Variants in TRMT9B observed in about 807,000 individuals in gnomAD.
TRMT9B encodes the protein probable tRNA methyltransferase 9B.
TRMT9B carries 16 observed loss-of-function variants against 11.5 expected under a neutral mutation model. The ratio of observed to expected loss-of-function variants is 1.39; its 90% CI spans 0.94 to 2.11. TRMT9B has a LOEUF of 2.11. Among genes scored for constraint, TRMT9B ranks in the 30% most tolerant of loss-of-function variants. The pLI is 0.00. For synonymous variants in TRMT9B, 274 were observed against 192.4 expected, an observed-to-expected ratio of 1.42 and a Z score of -3.51; for missense variants, 941 against 553.8, an observed-to-expected ratio of 1.70 and a Z score of -7.02.
At chr8:12,965,460 C>G (rs928973224) in intron 1 of TRMT9B, among the ~76,000 whole-genome samples, 1 of 152,116 alleles carries the variant, frequency 6.6e-6, no homozygotes, top group Non-Finnish European at 1.5e-5. Context: ...GCCAGCCTTC[C>G]CCAGCATCCG....
intron 4 of TRMT9B, among the ~76,000 whole-genome samples, chr8:13,014,185 T>A (rs1322014447): frequency 1.3e-5 from 2 of 152,192 alleles, no homozygotes; most frequent in African/African-American, 4.8e-5. Context: ...CAAGAGATGG[T>A]TGCTATGGAA....
At chr8:13,018,611 A>G (rs541479678) in intron 4 of TRMT9B, among the ~76,000 whole-genome samples, 26 of 152,298 alleles carry the variant, frequency 1.7e-4, no homozygotes, top group African/African-American at 6.3e-4. Flanking sequence ...TGAATTAATA[A>G]ATTCAGTGGA....
chr8:12,948,688 C>G (rs112647927), intron 1 of TRMT9B, among the ~76,000 whole-genome samples: 2,754 of 152,060 alleles, frequency 0.018, 89 homozygotes, highest in African/African-American at 0.063. Flanking sequence ...AGGCCAGGCA[C>G]GGTGGCTCAT....
intron 4 of TRMT9B, among the ~76,000 whole-genome samples, chr8:13,014,397 G>C (rs1160161029): frequency 6.6e-6 from 1 of 152,176 alleles, no homozygotes; most frequent in African/African-American, 2.4e-5. Flanking sequence ...TTCTGGTAGG[G>C]ACCCTCCTAC....
intron 3 of TRMT9B, chr8:13,010,999 T>A: frequency 1.1e-6 from 1 of 869,924 alleles, no homozygotes; most frequent in Non-Finnish European, 1.4e-6. Flanking sequence ...TTTTCTTTTT[T>A]GAGACAAAAT....
intron 1 of TRMT9B, chr8:12,952,358 G>A (rs771777637): frequency 2.1e-4 from 67 of 322,864 alleles, no homozygotes; most frequent in Middle Eastern, 9.7e-4. Context: ...TGGCCGCCTG[G>A]GTGAGTTCCT....
intron 1 of TRMT9B, among the ~76,000 whole-genome samples, chr8:12,979,539 C>T (rs977066559): frequency 3.0e-4 from 46 of 152,144 alleles, no homozygotes; most frequent in African/African-American, 1.1e-3. Context: ...ATTCAAATGC[C>T]TTCCTGCCTT....
chr8:13,008,192 G>A (rs973777067), intron 3 of TRMT9B, among the ~76,000 whole-genome samples: 4 of 152,188 alleles, frequency 2.6e-5, no homozygotes, highest in East Asian at 1.9e-4. Context: ...TTGGGCTCAC[G>A]GCCAGCACAC....
intron 1 of TRMT9B, among the ~76,000 whole-genome samples, chr8:12,978,784 C>G (rs1563348524): frequency 6.6e-6 from 1 of 152,208 alleles, no homozygotes; most frequent in South Asian, 2.1e-4. Context: ...GAGCAAGCTC[C>G]TAGAACTGCA....
intron 1 of TRMT9B, chr8:12,958,849 A>G (rs1258931045): frequency 6.6e-6 from 1 of 152,258 alleles, no homozygotes; most frequent in Non-Finnish European, 1.5e-5. Flanking sequence ...CAAAGTCAGA[A>G]AACCAGACAC....
chr8:13,011,961 A>G (rs762699301), intron 3 of TRMT9B: 51 of 985,294 alleles, frequency 5.2e-5, no homozygotes, highest in Non-Finnish European at 5.8e-5. Context: ...AGTGGTAAGA[A>G]TCTTTGGAGA....
intron 1 of TRMT9B, among the ~76,000 whole-genome samples, chr8:12,989,595 G>T (rs1806971004): frequency 6.6e-6 from 1 of 152,116 alleles, no homozygotes; most frequent in Non-Finnish European, 1.5e-5. Flanking sequence ...TATCTGAGGG[G>T]TCTAACACAT....
intron 4 of TRMT9B, among the ~76,000 whole-genome samples, chr8:13,017,939 A>G (rs1813049854): frequency 6.6e-6 from 1 of 151,660 alleles, no homozygotes; most frequent in South Asian, 2.1e-4. Flanking sequence ...TTTTTTTCTT[A>G]AGAACATTTG....
In TRMT9B at chr8:12,957,621, C is replaced by G. The variant is rs577322987; in HGVS notation, c.-200+11655C>G. ...TTTGAGAGTGAAGAGGGAATGATTA[C>G]TGATTGCCCTGAATACAGAAGCATA... On this transcript the variant is annotated intron_variant, in intron 1 of 4. Coordinates refer to ENST00000524591, the MANE Select transcript of TRMT9B (RefSeq NM_020844.3). 7.0e-4 allele frequency among the ~76,000 whole-genome samples: 106 copies of G among 152,272 alleles called. 1 individual carries two copies. Among genetic ancestry groups the G allele is most frequent in the African/African-American group, 2.4e-3 (99 of 41,562 alleles).
chr8:12,974,112 A>G (rs1192050158), intron 1 of TRMT9B, among the ~76,000 whole-genome samples: 1 of 152,126 alleles, frequency 6.6e-6, no homozygotes, highest in Non-Finnish European at 1.5e-5. Context: ...TCAAGGCTTC[A>G]GTGAGCCAAG....
intron 1 of TRMT9B, among the ~76,000 whole-genome samples, chr8:12,959,112 C>G (rs939382537): frequency 6.6e-6 from 1 of 152,070 alleles, no homozygotes; most frequent in Non-Finnish European, 1.5e-5. Context: ...AAAAAGAATT[C>G]TTCACGTGAC....
intron 1 of TRMT9B, among the ~76,000 whole-genome samples, chr8:12,965,837 AC>A (rs1165609219): frequency 2.6e-5 from 4 of 151,698 alleles, no homozygotes; most frequent in Non-Finnish European, 4.4e-5. Context: ...ACATGGCAAA[AC>A]CCCATCTCTA....
At chr8:13,001,467 T>C (rs1440526009) in intron 2 of TRMT9B, among the ~76,000 whole-genome samples, 1 of 152,182 alleles carries the variant, frequency 6.6e-6, no homozygotes, top group East Asian at 1.9e-4. Context: ...TTATAAACCA[T>C]CTTAGAAGTT....
Position 13,021,857 on chromosome 8 carries a change from T to A in TRMT9B, c.1178T>A (p.Met393Lys). 6 of 1,613,890 alleles carry A rather than the reference T, an allele frequency of 3.7e-6. No homozygotes were observed. Among genetic ancestry groups the A allele is most frequent in the Non-Finnish European group, 5.1e-6 (6 of 1,179,852 alleles). The change falls in exon 5 of 5, where the codon ATG (methionine) becomes AAG (lysine). Residue 393 changes from methionine to lysine, a missense_variant. Met to Lys is a moderately conservative substitution (Grantham distance 95). Transcript: ENST00000524591. ...DSTDFNPDDT[M>K]SVEDPQTDVL... ...ACAGATTTCAACCCAGATGATACAATGTCTGTCGAAGATCCACAGACTGAT... is the reference window on the plus strand; with the variant it reads ...ACAGATTTCAACCCAGATGATACAAAGTCTGTCGAAGATCCACAGACTGAT...
Sources: allele counts gnomAD v4.1 joint callset (sites outside exome capture counted in the v4.1 genomes callset), GRCh38; gene constraint gnomAD v4.1.1; transcripts MANE v1.5; gene names NCBI Gene and HGNC (gene_info 2026-07-23, HGNC 2026-07-21).